SPINK5: variants seen among roughly 807,000 people sequenced by gnomAD.
SPINK5 encodes serine peptidase inhibitor Kazal type 5, also known as serine protease inhibitor Kazal-type 5.
In SPINK5, 125 loss-of-function variants were observed where a neutral mutation model predicts 151.8. The ratio of observed to expected loss-of-function variants is 0.82; its 90% CI spans 0.71 to 0.96. The LOEUF is 0.96. SPINK5 is among the 40% of genes least tolerant of loss of function. SPINK5 has a pLI of 0.00. For missense variants in SPINK5, 1,194 were observed against 1,291.9 expected, an observed-to-expected ratio of 0.92 and a Z score of 1.16; for synonymous variants, 374 against 395.3, an observed-to-expected ratio of 0.95 and a Z score of 0.64.
At chr5:148,078,772 A>G (rs371002651) in intron 4 of SPINK5, among the ~76,000 whole-genome samples, 2 of 150,792 alleles carry the variant, frequency 1.3e-5, no homozygotes, top group South Asian at 2.1e-4. Context: ...GACTTACTGG[A>G]CTTGTCTAAA....
At chr5:148,098,971 G>A (rs891202800) in intron 11 of SPINK5, among the ~76,000 whole-genome samples, 1 of 151,926 alleles carries the variant, frequency 6.6e-6, no homozygotes, top group Non-Finnish European at 1.5e-5. Flanking sequence ...TTCTTACTAT[G>A]GGCAAGAAAA....
chr5:148,107,846 A>G (rs992384525), intron 17 of SPINK5, among the ~76,000 whole-genome samples: 1 of 152,102 alleles, frequency 6.6e-6, no homozygotes, highest in Non-Finnish European at 1.5e-5. Context: ...AATTATTATC[A>G]CTTCTAATTC....
intron 11 of SPINK5, 88 bp from the exon 12 acceptor site, chr5:148,099,146 G>C (rs1022647628): frequency 8.1e-7 from 1 of 1,238,162 alleles, no homozygotes. Flanking sequence ...ACTCTAAGGA[G>C]GGAGAACAGT....
At chr5:148,136,762 A>G (rs138238231) in intron 32 of SPINK5, among the ~76,000 whole-genome samples, 1 of 152,352 alleles carries the variant, frequency 6.6e-6, no homozygotes, top group East Asian at 1.9e-4. Context: ...GAATTAAGCC[A>G]TGTTCATATT....
intron 4 of SPINK5, among the ~76,000 whole-genome samples, chr5:148,074,094 C>T (rs953414755): frequency 4.6e-5 from 7 of 151,752 alleles, no homozygotes; most frequent in Admixed American, 2.6e-4. Context: ...TTTCTCTCCA[C>T]TATAAAACAG....
chr5:148,094,467 G>A lies in SPINK5; in HGVS notation c.780G>A (p.Leu260=), dbSNP rs1393705329. 1.2e-5 allele frequency: 19 copies of A among 1,612,606 alleles called. No individual in the cohort carries two copies. The highest frequency in any genetic ancestry group is 2.2e-5 in the South Asian group (2 of 91,070). Reference sequence around the variant, plus strand: ...GGATGCATGGCAACAAATGTGCCCTGTGTGCTGAAATTTTGTGAGTATAGA... The same window carrying A: ...GGATGCATGGCAACAAATGTGCCCTATGTGCTGAAATTTTGTGAGTATAGA... ...DGRMHGNKCA[L]CAEIFKQRFS... Residue 260 remains leucine, a synonymous_variant, in exon 9 of 33, where the codon CTG becomes CTA. Transcript: ENST00000256084.
chr5:148,099,304 A>G lies in SPINK5; in HGVS notation c.1081A>G (p.Thr361Ala). 1 of 1,612,308 alleles carries G rather than the reference A, an allele frequency of 6.2e-7. No individual in the cohort carries two copies. The highest frequency in any genetic ancestry group is 8.5e-7 in the Non-Finnish European group (1 of 1,178,982). The change falls in exon 12 of 33, where the codon ACC (threonine) becomes GCC (alanine). Residue 361 changes from threonine to alanine, a missense_variant. Transcript: ENST00000256084. ...AAACAAAAGAGAATCTGGAAAAGCA[A>G]CCTCATATGCAGTGAGTGGAATCCA... The part of the protein sequence containing the change: ...ARNKRESGKA[T>A]SYAELCSEYR...
intron 21 of SPINK5, 115 bp downstream of exon 21, chr5:148,114,604 T>C: frequency 6.9e-7 from 1 of 1,457,708 alleles, no homozygotes; most frequent in Non-Finnish European, 9.5e-7. Context: ...AAACAGAAGG[T>C]TATCTGTAAA....
intron 16 of SPINK5, among the ~76,000 whole-genome samples, chr5:148,106,732 A>G (rs1412096253): frequency 6.6e-6 from 1 of 152,112 alleles, no homozygotes; most frequent in Non-Finnish European, 1.5e-5. Context: ...CATTTCCTCC[A>G]GGAAGGCTTC....
intron 29 of SPINK5, 152 bp downstream of exon 29, chr5:148,126,002 T>C (rs1272601323): frequency 3.3e-6 from 4 of 1,208,340 alleles, no homozygotes; most frequent in Admixed American, 1.8e-5. Flanking sequence ...ACACCTGATA[T>C]AGTAGAAAGA....
chr5:148,083,346 G>T (rs934668367), intron 4 of SPINK5, among the ~76,000 whole-genome samples: 2 of 150,980 alleles, frequency 1.3e-5, no homozygotes, highest in African/African-American at 2.4e-5. Context: ...TCAATACATG[G>T]GTTCTTTTTT....
intron 28 of SPINK5, chr5:148,125,497 T>G: frequency 6.3e-7 from 1 of 1,599,918 alleles, no homozygotes; most frequent in Non-Finnish European, 8.6e-7. Flanking sequence ...TATCAAGTGT[T>G]GTTTTATGTT....
In SPINK5 at chr5:148,119,061, G is replaced by A. The variant is rs1019527083; in HGVS notation, c.2313+3G>A. On this transcript the variant is annotated splice_donor_region_variant and intron_variant, in intron 24 of 32. Transcript: ENST00000256084. Reference sequence around the variant, plus strand: ...GGACTGGATCAGAATCAGGGAAGGTGAGTTATTTTTTGGGTTTTGGCAAGA... The same window carrying A: ...GGACTGGATCAGAATCAGGGAAGGTAAGTTATTTTTTGGGTTTTGGCAAGA... 6.2e-7 allele frequency: 1 copy of A among 1,613,878 alleles called. No individual in the cohort carries two copies. Among genetic ancestry groups the A allele is most frequent in the Non-Finnish European group, 8.5e-7 (1 of 1,179,878 alleles).
chr5:148,114,268 C>CTTTTTTTTTTTT, intron 20 of SPINK5, 94 bp from the exon 21 acceptor site: 1 of 1,295,962 alleles, frequency 7.7e-7, no homozygotes, highest in Non-Finnish European at 1.0e-6. Flanking sequence ...CATTTTCTCT[C>CTTTTTTTTTTTT]TCTTTTTTTT....
At chr5:148,103,869 C>T (rs894878373) in intron 15 of SPINK5, among the ~76,000 whole-genome samples, 3 of 152,120 alleles carry the variant, frequency 2.0e-5, no homozygotes, top group Non-Finnish European at 1.5e-5. Context: ...AAAACATTTT[C>T]ACAAATTATG....
At chr5:148,133,745 T>C in intron 31 of SPINK5, 52 bp from the exon 32 acceptor site, 1 of 1,575,160 alleles carries the variant, frequency 6.3e-7, no homozygotes, top group East Asian at 2.2e-5. Flanking sequence ...TTTATTTTCT[T>C]ATTATAACTG....
At chr5:148,087,669 T>TCTTA (rs1204337431) in intron 5 of SPINK5, among the ~76,000 whole-genome samples, 1 of 151,760 alleles carries the variant, frequency 6.6e-6, no homozygotes, top group Non-Finnish European at 1.5e-5. Context: ...TCTTACTGTG[T>TCTTA]CTTATGTGGG....
chr5:148,088,638 T>A (rs761266841), intron 6 of SPINK5, 33 bp downstream of exon 6: 2 of 1,602,988 alleles, frequency 1.2e-6, no homozygotes, highest in Non-Finnish European at 1.7e-6. Flanking sequence ...TGGGAAATAC[T>A]GGGAGGCTAA....
chr5:148,114,487 CTTGTGAGTGCACA>C lies in SPINK5; in HGVS notation c.2014_2015+11del. The C allele has an allele frequency of 6.2e-7, 1 of 1,613,244 alleles. No homozygotes were observed. On this transcript the variant is annotated splice_donor_variant and splice_donor_5th_base_variant and coding_sequence_variant and intron_variant, in exon 21 of 33. Coordinates refer to ENST00000256084, the MANE Select transcript of SPINK5 (RefSeq NM_006846.4). LOFTEE classifies it high-confidence loss of function. ...ACAAGTGTGCCATGTGTAAGGCAGTCTTGTGAGTGCACAAAGAAAACCACTACTGTGGGATGGT... is the reference window on the plus strand; with the variant it reads ...ACAAGTGTGCCATGTGTAAGGCAGTCAAGAAAACCACTACTGTGGGATGGT...
Sources: gnomAD v4.1 joint callset for allele counts (sites outside exome capture counted in the v4.1 genomes callset) on GRCh38, gnomAD v4.1.1 for gene constraint, MANE v1.5 for transcripts, NCBI Gene and HGNC (gene_info 2026-07-23, HGNC 2026-07-21) for gene names.